The following TCAIM variants were observed in gnomAD, a reference collection of about 807,000 sequenced individuals.
TCAIM encodes T-cell activation inhibitor, mitochondrial.
Under a neutral mutation model 58.6 loss-of-function variants are expected in TCAIM, and 36 were observed. The ratio of observed to expected loss-of-function variants is 0.61; its 90% CI spans 0.47 to 0.81. The LOEUF is 0.81. TCAIM is among the 30% of genes least tolerant of loss of function. The probability of loss-of-function intolerance (pLI) is 0.00; values close to 1 mark genes in which losing one functional copy is unlikely to be tolerated. For synonymous variants in TCAIM, 172 were observed against 193.6 expected, an observed-to-expected ratio of 0.89 and a Z score of 0.93; for missense variants, 466 against 579.6, an observed-to-expected ratio of 0.80 and a Z score of 2.01.
chr3:44,339,065 C>CT (rs1700798346), intron 1 of TCAIM, among the ~76,000 whole-genome samples: 1 of 151,018 alleles, frequency 6.6e-6, no homozygotes, highest in Non-Finnish European at 1.5e-5. Context: ...TTTCCGAGGT[C>CT]TTTGATTTAC....
chr3:44,370,750 C>CTTTTTT (rs60626140), intron 5 of TCAIM, among the ~76,000 whole-genome samples: 1 of 73,036 alleles, frequency 1.4e-5, no homozygotes, highest in African/African-American at 4.2e-5. Flanking sequence ...TTCTTTCTTT[C>CTTTTTT]TTTCTTTTTT....
chr3:44,344,322 G>GCTTCTA (rs1700919663), intron 1 of TCAIM, among the ~76,000 whole-genome samples: 1 of 152,134 alleles, frequency 6.6e-6, no homozygotes, highest in African/African-American at 2.4e-5. Flanking sequence ...AAATGCTTCT[G>GCTTCTA]AAATGTGCTA....
chr3:44,367,637 T>C lies in TCAIM; in HGVS notation c.501T>C (p.Tyr167=), dbSNP rs757575113. The C allele has an allele frequency of 3.1e-6, 5 of 1,614,034 alleles. No individual in the cohort carries two copies. The Admixed American group carries it at 6.7e-5, about 22-fold the overall frequency. ...GGCCCATCAAATGGGACAAGTCTTA[T>C]TACTCCTTTACTGGATTCAAGGACC... ...PDRPIKWDKS[Y]YSFTGFKDPD... The change falls in exon 5 of 11, where the codon TAT becomes TAC. Residue 167 remains tyrosine, a synonymous_variant. Coordinates refer to ENST00000342649, the MANE Select transcript of TCAIM (RefSeq NM_173826.4).
At chr3:44,368,776 A>G (rs778044322) in intron 5 of TCAIM, among the ~76,000 whole-genome samples, 5 of 152,234 alleles carry the variant, frequency 3.3e-5, no homozygotes, top group Non-Finnish European at 7.3e-5. Flanking sequence ...TAATCCCAGC[A>G]TTTGGGGAGG....
At chr3:44,385,941 A>G (rs1378350168) in intron 5 of TCAIM, among the ~76,000 whole-genome samples, 3 of 151,732 alleles carry the variant, frequency 2.0e-5, no homozygotes, top group South Asian at 2.1e-4. Context: ...CTCTACAATT[A>G]TTTTTTTTCT....
intron 5 of TCAIM, among the ~76,000 whole-genome samples, chr3:44,391,531 G>T (rs1350627313): frequency 6.6e-6 from 1 of 152,104 alleles, no homozygotes; most frequent in Admixed American, 6.6e-5. Context: ...AGACTATTGA[G>T]GTAAACATTC....
intron 1 of TCAIM, chr3:44,340,025 G>T (rs1241492206): frequency 6.6e-6 from 1 of 152,228 alleles, no homozygotes; most frequent in Non-Finnish European, 1.5e-5. Context: ...CCAAGTGGAA[G>T]TATAGTGGGC....
rs1360451323 is a variant in TCAIM at position 44,357,864 on chromosome 3, C to A, written c.153C>A (p.His51Gln). 1.2e-6 allele frequency: 2 copies of A among 1,613,852 alleles called. No individual in the cohort carries two copies. Among genetic ancestry groups the A allele is most frequent in the East Asian group, 2.2e-5 (1 of 44,868 alleles). ...TACATCCAGATTTCTTTGGACAGCACCCCGTAGAAAGGGTAAACATTTATT... is the reference window on the plus strand; with the variant it reads ...TACATCCAGATTTCTTTGGACAGCAACCCGTAGAAAGGGTAAACATTTATT... ...FAVHPDFFGQHPVEREINENS... is the reference protein window; with the variant it reads ...FAVHPDFFGQQPVEREINENS... The change falls in exon 3 of 11, where the codon CAC (histidine) becomes CAA (glutamine). Residue 51 changes from histidine to glutamine, a missense_variant. His to Gln is a conservative substitution (Grantham distance 24). Coordinates refer to ENST00000342649, the MANE Select transcript of TCAIM (RefSeq NM_173826.4).
rs1401169335 is a variant in TCAIM, at chr3:44,408,629, A to C, written c.*947A>C. ...TTCATTTGTTTCATGGGCAAACACT[A>C]TCCAGGAAAAGCCTTGCTTGCCTGT... On this transcript the variant is annotated 3_prime_UTR_variant, in exon 11 of 11. Coordinates refer to ENST00000342649, the MANE Select transcript of TCAIM (RefSeq NM_173826.4). 1.3e-5 allele frequency: 2 copies of C among 152,226 alleles called. No homozygotes were observed. Among genetic ancestry groups the C allele is most frequent in the East Asian group, 3.8e-4 (2 of 5,202 alleles). 9.4% of individuals were successfully genotyped at this position (152,226 alleles called of 1,614,324 possible).
chr3:44,399,312 A>G (rs1246604366), intron 8 of TCAIM, among the ~76,000 whole-genome samples: 1 of 152,242 alleles, frequency 6.6e-6, no homozygotes, highest in Non-Finnish European at 1.5e-5. Context: ...AAATGTAGTT[A>G]CCATATATAC....
Position 44,381,630 on chromosome 3 carries a change from C to T in TCAIM, c.573-11225C>T, listed in dbSNP as rs530552143. On this transcript the variant is annotated intron_variant, in intron 5 of 10. Transcript: ENST00000342649. Reference sequence around the variant, plus strand: ...TTCATCATACTACTGGAAGTCTTAGCCAGAGCAATTAGGCAAGAAAAAGAA... The same window carrying T: ...TTCATCATACTACTGGAAGTCTTAGTCAGAGCAATTAGGCAAGAAAAAGAA... 5.9e-5 allele frequency among the ~76,000 whole-genome samples: 9 copies of T among 152,052 alleles called. No individual in the cohort carries two copies. The South Asian group carries it at 1.9e-3, about 32-fold the overall frequency.
At chr3:44,339,704 T>G (rs1426283304) in intron 1 of TCAIM, 1 of 152,222 alleles carries the variant, frequency 6.6e-6, no homozygotes, top group African/African-American at 2.4e-5. Context: ...ACCATTTCCT[T>G]AGAGAAGACC....
intron 9 of TCAIM, 22 bp from the exon 10 acceptor site, chr3:44,401,181 T>G: frequency 6.2e-7 from 1 of 1,612,638 alleles, no homozygotes; most frequent in Middle Eastern, 1.7e-4. Context: ...TGGTTTTTCC[T>G]TTAATGTATA....
chr3:44,387,789 G>C (rs1176256141), intron 5 of TCAIM, among the ~76,000 whole-genome samples: 2 of 152,146 alleles, frequency 1.3e-5, no homozygotes, highest in Non-Finnish European at 2.9e-5. Flanking sequence ...ACCAACCACA[G>C]AGGTTTCCAG....
At chr3:44,356,491 C>T (rs1701192707) in intron 2 of TCAIM, among the ~76,000 whole-genome samples, 1 of 151,874 alleles carries the variant, frequency 6.6e-6, no homozygotes, top group Non-Finnish European at 1.5e-5. Context: ...CACTGCACTC[C>T]AGCCAGGGCA....
At chr3:44,390,825 A>G (rs1455586532) in intron 5 of TCAIM, among the ~76,000 whole-genome samples, 1 of 152,138 alleles carries the variant, frequency 6.6e-6, no homozygotes, top group Non-Finnish European at 1.5e-5. Flanking sequence ...TAATAAGAAG[A>G]AAGGGAACCT....
In TCAIM at chr3:44,409,191, G is replaced by A. The variant is rs1702144660; in HGVS notation, c.*1509G>A. ...CTGATTTGTAATTATTATAGTTTGT[G>A]TGTATCATCCCTTTTAACCGTGCCT... On this transcript the variant is annotated 3_prime_UTR_variant, in exon 11 of 11. Transcript: ENST00000342649. 1 of 152,312 alleles carries A rather than the reference G, an allele frequency of 6.6e-6. No individual in the cohort carries two copies. The highest frequency in any genetic ancestry group is 1.9e-4 in the East Asian group (1 of 5,186). The allele number at this position is 152,312 out of a possible 1,614,324, so 9.4% of individuals were successfully genotyped here.
chr3:44,383,833 A>T (rs1029340060), intron 5 of TCAIM, among the ~76,000 whole-genome samples: 2 of 141,346 alleles, frequency 1.4e-5, no homozygotes, highest in Non-Finnish European at 3.1e-5. Flanking sequence ...AAAAAAAAAA[A>T]ATTTAAATTA....
chr3:44,343,479 A>G (rs1352800028), intron 1 of TCAIM, among the ~76,000 whole-genome samples: 1 of 152,248 alleles, frequency 6.6e-6, no homozygotes, highest in Non-Finnish European at 1.5e-5. Context: ...TTAATAAATT[A>G]TAATTTCAAC....
Sources: allele counts gnomAD v4.1 joint callset (sites outside exome capture counted in the v4.1 genomes callset), GRCh38; gene constraint gnomAD v4.1.1; transcripts MANE v1.5; gene names NCBI Gene and HGNC (gene_info 2026-07-23, HGNC 2026-07-21).